The following SUGCT variants were observed in gnomAD, a reference collection of about 807,000 sequenced individuals.
The protein encoded by SUGCT is succinyl-CoA:glutarate CoA-transferase.
In SUGCT, 41 loss-of-function variants were observed where a neutral mutation model predicts 55.0. The observed-to-expected ratio is 0.74, with a 90% CI of 0.58 to 0.97. The LOEUF is 0.97. Ranked by LOEUF, SUGCT falls within the 50% of genes least tolerant of loss-of-function variation. The probability of loss-of-function intolerance (pLI) is 0.00; values close to 1 mark genes in which losing one functional copy is unlikely to be tolerated. For synonymous variants in SUGCT, 187 were observed against 200.4 expected (o/e 0.93, Z 0.56); for missense variants, 568 against 547.8 (o/e 1.04, Z -0.37).
intron 9 of SUGCT, among the ~76,000 whole-genome samples, chr7:40,325,530 A>G (rs577302708): frequency 1.1e-4 from 17 of 152,338 alleles, no homozygotes; most frequent in South Asian, 6.2e-4. Flanking sequence ...AGGGAAGCCT[A>G]GAGACATTAA....
intron 12 of SUGCT, among the ~76,000 whole-genome samples, chr7:40,553,871 A>G (rs905924055): frequency 1.3e-5 from 2 of 152,348 alleles, no homozygotes; most frequent in African/African-American, 4.8e-5. Context: ...AACTTAGACA[A>G]CTCAGATCAG....
rs145089689 is a variant in SUGCT at position 40,459,288 on chromosome 7, T to C, written c.986+90T>C. 421 of 829,416 alleles carry C rather than the reference T, an allele frequency of 5.1e-4. 2 individuals carry two copies. The African/African-American group carries it at 6.8e-3, about 13-fold the overall frequency. 51.4% of individuals were successfully genotyped at this position (829,416 alleles called of 1,614,324 possible). ...TTATATGTTTTTTTCTTGGCTTATT[T>C]GAGATCAATTTGTAATTCTCTTCCA... On this transcript the variant is annotated intron_variant, in intron 11 of 13. Coordinates refer to ENST00000335693, the MANE Select transcript of SUGCT (RefSeq NM_001193313.2).
At chr7:40,468,965 T>C (rs1790268572) in intron 11 of SUGCT, among the ~76,000 whole-genome samples, 1 of 152,172 alleles carries the variant, frequency 6.6e-6, no homozygotes, top group South Asian at 2.1e-4. Context: ...ATCCCCTTCC[T>C]GACACATTTG....
At chr7:40,539,322 CCTT>C (rs1434820874) in intron 12 of SUGCT, 1 of 151,946 alleles carries the variant, frequency 6.6e-6, no homozygotes, top group Non-Finnish European at 1.5e-5. Context: ...CATAGTTTAA[CCTT>C]CTTTACTCAA....
At position 40,274,497 on chromosome 7, in the gene SUGCT, C is replaced by T; in HGVS notation, c.577-16C>T. 2 of 1,604,116 alleles carry T rather than the reference C, an allele frequency of 1.2e-6. No individual in the cohort carries two copies. Among genetic ancestry groups the T allele is most frequent in the Non-Finnish European group, 1.7e-6 (2 of 1,176,698 alleles). On this transcript the variant is annotated splice_polypyrimidine_tract_variant and intron_variant, in intron 7 of 13. Transcript: ENST00000335693. ...GTTTAATTATTTCTTCTTTCTCAAC[C>T]CAACCTTCAAATCAGAATGGAGATC...
intron 1 of SUGCT, chr7:40,153,171 C>A: frequency 3.3e-6 from 1 of 303,270 alleles, no homozygotes; most frequent in Non-Finnish European, 6.2e-6. Context: ...ATTCACACAT[C>A]TTAGATTATT....
intron 12 of SUGCT, among the ~76,000 whole-genome samples, chr7:40,524,676 AG>A (rs2151581719): frequency 6.6e-6 from 1 of 152,236 alleles, no homozygotes; most frequent in Admixed American, 6.5e-5. Context: ...AGAAATTTTA[AG>A]GGATTAGTTC....
At chr7:40,417,463 AT>A (rs1399876718) in intron 9 of SUGCT, among the ~76,000 whole-genome samples, 2 of 151,762 alleles carry the variant, frequency 1.3e-5, no homozygotes, top group African/African-American at 4.8e-5. Context: ...AGACCTAAGG[AT>A]TATTTAGGAA....
At chr7:40,558,588 T>C (rs1363874796) in intron 12 of SUGCT, among the ~76,000 whole-genome samples, 2 of 152,180 alleles carry the variant, frequency 1.3e-5, no homozygotes, top group Non-Finnish European at 2.9e-5. Flanking sequence ...ATAAACTAGA[T>C]GTTACCAGGC....
At chr7:41,005,560 T>C in the SUGCT span, among the ~76,000 whole-genome samples, 2 of 152,176 alleles carry the variant, frequency 1.3e-5, no homozygotes, top group Non-Finnish European at 2.9e-5. Flanking sequence ...GTGGGTTTTG[T>C]TCAAGTTTGC....
chr7:40,901,777 T>A, the SUGCT span, among the ~76,000 whole-genome samples: 16 of 152,326 alleles, frequency 1.1e-4, no homozygotes, highest in Admixed American at 2.0e-4. Flanking sequence ...TGAATTACGG[T>A]CTTAAAAAGT....
At chr7:40,242,968 A>G (rs1435153406) in intron 7 of SUGCT, among the ~76,000 whole-genome samples, 1 of 48,512 alleles carries the variant, frequency 2.1e-5, no homozygotes, top group Non-Finnish European at 4.3e-5. Context: ...TTTTTGAGAC[A>G]AGGTCTCACT....
chr7:40,847,924 CATT>C (rs1793658931), intron 13 of SUGCT, among the ~76,000 whole-genome samples: 1 of 152,156 alleles, frequency 6.6e-6, no homozygotes, highest in Non-Finnish European at 1.5e-5. Flanking sequence ...CTGTTACTGG[CATT>C]ATACATTAGC....
At chr7:40,812,231 T>C (rs1264191050) in intron 13 of SUGCT, among the ~76,000 whole-genome samples, 1 of 152,150 alleles carries the variant, frequency 6.6e-6, no homozygotes, top group Non-Finnish European at 1.5e-5. Flanking sequence ...GGTATCAGGG[T>C]GATGTTAGAT....
intron 13 of SUGCT, among the ~76,000 whole-genome samples, chr7:40,775,209 C>T (rs1166675794): frequency 6.6e-6 from 1 of 152,228 alleles, no homozygotes; most frequent in African/African-American, 2.4e-5. Flanking sequence ...TGGCTTACAT[C>T]AGAAGGAGGT....
At chr7:40,290,708 G>C (rs888404245) in intron 8 of SUGCT, among the ~76,000 whole-genome samples, 3 of 152,116 alleles carry the variant, frequency 2.0e-5, no homozygotes, top group African/African-American at 7.2e-5. Flanking sequence ...TACCATCAGA[G>C]TGAACAGGCA....
At chr7:40,377,967 T>G (rs540265607) in intron 9 of SUGCT, among the ~76,000 whole-genome samples, 4 of 152,184 alleles carry the variant, frequency 2.6e-5, no homozygotes, top group Non-Finnish European at 4.4e-5. Flanking sequence ...GTTAACCTTA[T>G]TGATGGTCTG....
At chr7:40,199,751 G>A (rs1026603310) in intron 6 of SUGCT, among the ~76,000 whole-genome samples, 3 of 148,228 alleles carry the variant, frequency 2.0e-5, no homozygotes, top group Non-Finnish European at 4.5e-5. Flanking sequence ...ACTAGACTGA[G>A]TTTGTAGTGG....
chr7:40,413,147 T>G (rs1332163228), intron 9 of SUGCT, among the ~76,000 whole-genome samples: 1 of 152,162 alleles, frequency 6.6e-6, no homozygotes, highest in African/African-American at 2.4e-5. Flanking sequence ...AATGGCTGAT[T>G]AGTGTAAATT....
Sources: gnomAD v4.1 joint callset for allele counts (sites outside exome capture counted in the v4.1 genomes callset) on GRCh38, gnomAD v4.1.1 for gene constraint, MANE v1.5 for transcripts, NCBI Gene and HGNC (gene_info 2026-07-23, HGNC 2026-07-21) for gene names.